The following UBASH3B variants were observed in gnomAD, a reference collection of about 807,000 sequenced individuals.
UBASH3B encodes the protein ubiquitin associated and SH3 domain containing B.
A neutral mutation model predicts 83.4 loss-of-function variants in UBASH3B; 37 were observed. The ratio of observed to expected loss-of-function variants is 0.44; its 90% CI spans 0.34 to 0.58. UBASH3B has a LOEUF of 0.58. UBASH3B is among the 20% of genes least tolerant of loss of function. UBASH3B has a pLI of 0.01. For synonymous variants in UBASH3B, 304 were observed against 318.3 expected (o/e 0.96, Z 0.48); for missense variants, 657 against 827.2 (o/e 0.79, Z 2.52).
intron 5 of UBASH3B, 137 bp downstream of exon 5, chr11:122,783,359 A>T: frequency 9.6e-7 from 1 of 1,040,898 alleles, no homozygotes; most frequent in African/African-American, 1.6e-5. Context: ...TTGGCTCAGG[A>T]TTGTGTCCAG....
At chr11:122,700,371 T>C (rs553279522) in intron 1 of UBASH3B, among the ~76,000 whole-genome samples, 1 of 152,358 alleles carries the variant, frequency 6.6e-6, no homozygotes, top group South Asian at 2.1e-4. Context: ...TTTGTTAAGC[T>C]TTATGGTTTA....
At chr11:122,694,260 T>A (rs1345454865) in intron 1 of UBASH3B, among the ~76,000 whole-genome samples, 1 of 152,228 alleles carries the variant, frequency 6.6e-6, no homozygotes, top group Non-Finnish European at 1.5e-5. Flanking sequence ...AGGGAGGGGA[T>A]GTAACAAGAA....
chr11:122,760,465 A>G (rs1861351941), intron 1 of UBASH3B, among the ~76,000 whole-genome samples: 1 of 152,078 alleles, frequency 6.6e-6, no homozygotes, highest in Non-Finnish European at 1.5e-5. Context: ...GGTTCAAGCA[A>G]TTCTCCTGCC....
At chr11:122,773,934 G>A (rs1244751776) in intron 1 of UBASH3B, 16 of 979,110 alleles carry the variant, frequency 1.6e-5, no homozygotes, top group African/African-American at 7.0e-5. Flanking sequence ...CCACAAATGC[G>A]TTTTCCTTTT....
At chr11:122,657,206 T>C (rs924709397) in intron 1 of UBASH3B, among the ~76,000 whole-genome samples, 1 of 151,892 alleles carries the variant, frequency 6.6e-6, no homozygotes, top group Non-Finnish European at 1.5e-5. Flanking sequence ...AACAGGAGAG[T>C]TGGCCAAACT....
chr11:122,686,535 A>G (rs1453307189), intron 1 of UBASH3B, among the ~76,000 whole-genome samples: 1 of 152,186 alleles, frequency 6.6e-6, no homozygotes, highest in East Asian at 1.9e-4. Flanking sequence ...GAAAACAACC[A>G]TAAAACTTGT....
intron 1 of UBASH3B, among the ~76,000 whole-genome samples, chr11:122,688,679 C>G (rs1863843381): frequency 6.8e-6 from 1 of 147,466 alleles, no homozygotes; most frequent in African/African-American, 2.5e-5. Flanking sequence ...GAGGCTTGCT[C>G]TGTTGCCCAG....
chr11:122,814,419 G>C lies in UBASH3B; in HGVS notation c.*4533G>C, dbSNP rs1400629713. Reference sequence around the variant, plus strand: ...GTAATTACAGATGCACCTTTCAGGAGCATCTCCATTAAATGGTTCATAGAT... The same window carrying C: ...GTAATTACAGATGCACCTTTCAGGACCATCTCCATTAAATGGTTCATAGAT... On this transcript the variant is annotated 3_prime_UTR_variant, in exon 14 of 14. Coordinates refer to ENST00000284273, the MANE Select transcript of UBASH3B (RefSeq NM_032873.5). 1.3e-5 allele frequency: 2 copies of C among 152,644 alleles called. No individual in the cohort carries two copies. Among genetic ancestry groups the C allele is most frequent in the Non-Finnish European group, 2.9e-5 (2 of 68,040 alleles). 9.5% of individuals were successfully genotyped at this position (152,644 alleles called of 1,614,324 possible). A position where few individuals can be genotyped will look rare whatever the true frequency, so the allele number is the denominator to read the frequency against.
intron 1 of UBASH3B, among the ~76,000 whole-genome samples, chr11:122,753,683 C>T (rs369774118): frequency 4.0e-5 from 6 of 151,494 alleles, no homozygotes; most frequent in South Asian, 2.1e-4. Context: ...TTAGTAGAGA[C>T]GGGATTTCTC....
chr11:122,785,458 G>A (rs947333265), intron 5 of UBASH3B, among the ~76,000 whole-genome samples: 2 of 152,242 alleles, frequency 1.3e-5, no homozygotes, highest in Admixed American at 6.5e-5. Flanking sequence ...CTCTGGCAAG[G>A]CACCGTGATG....
chr11:122,689,809 T>G (rs536988839), intron 1 of UBASH3B, among the ~76,000 whole-genome samples: 11 of 152,252 alleles, frequency 7.2e-5, no homozygotes, highest in African/African-American at 2.6e-4. Flanking sequence ...CTGGAGCGGC[T>G]CACAGAACTC....
chr11:122,774,199 T>C, intron 1 of UBASH3B: 1 of 985,494 alleles, frequency 1.0e-6, no homozygotes. Context: ...TCCAGCCTTT[T>C]CTGCACCAGC....
At chr11:122,694,962 T>C (rs1186094757) in intron 1 of UBASH3B, among the ~76,000 whole-genome samples, 74 of 120,112 alleles carry the variant, frequency 6.2e-4, no homozygotes, top group African/African-American at 1.6e-3. Flanking sequence ...TTCTTTTTTT[T>C]TTTTTTTTTT....
At chr11:122,691,018 C>G (rs1476067809) in intron 1 of UBASH3B, among the ~76,000 whole-genome samples, 4 of 152,222 alleles carry the variant, frequency 2.6e-5, no homozygotes, top group African/African-American at 9.6e-5. Flanking sequence ...CAGAACCAAA[C>G]CCCGGGTCTT....
At chr11:122,757,921 T>C (rs1861308577) in intron 1 of UBASH3B, among the ~76,000 whole-genome samples, 1 of 151,786 alleles carries the variant, frequency 6.6e-6, no homozygotes, top group African/African-American at 2.4e-5. Flanking sequence ...ACCATGTTGA[T>C]GGTCTCTATC....
chr11:122,772,819 TTAG>T lies in UBASH3B; in HGVS notation c.162-3396_162-3394del, dbSNP rs536617749. ...TTCTTTGTGCTGTTCTTCTCCATCC[TTAG>T]TAGGCAGGAGAGTTTTTACACTATT... On this transcript the variant is annotated intron_variant, in intron 1 of 13. Coordinates refer to ENST00000284273, the MANE Select transcript of UBASH3B (RefSeq NM_032873.5). 3.3e-5 allele frequency among the ~76,000 whole-genome samples: 5 copies of T among 152,326 alleles called. No individual in the cohort carries two copies. The East Asian group carries it at 5.8e-4, about 18-fold the overall frequency.
chr11:122,724,056 T>C (rs1255362153), intron 1 of UBASH3B, among the ~76,000 whole-genome samples: 2 of 152,204 alleles, frequency 1.3e-5, no homozygotes, highest in African/African-American at 2.4e-5. Context: ...TTTTAGAAAT[T>C]GGAACCTGGA....
At chr11:122,727,809 T>A (rs1860769888) in intron 1 of UBASH3B, among the ~76,000 whole-genome samples, 1 of 152,146 alleles carries the variant, frequency 6.6e-6, no homozygotes, top group Admixed American at 6.5e-5. Context: ...CTTGCCAGCT[T>A]CGTGAATTCA....
chr11:122,754,839 C>T (rs1009095679), intron 1 of UBASH3B, among the ~76,000 whole-genome samples: 1 of 152,146 alleles, frequency 6.6e-6, no homozygotes, highest in Non-Finnish European at 1.5e-5. Context: ...TTTTTCATGA[C>T]CCCTGGAAGG....
Sources: gnomAD v4.1 joint callset for allele counts (sites outside exome capture counted in the v4.1 genomes callset) on GRCh38, gnomAD v4.1.1 for gene constraint, MANE v1.5 for transcripts, NCBI Gene and HGNC (gene_info 2026-07-23, HGNC 2026-07-21) for gene names.